Variants in AK8 observed in about 807,000 individuals in gnomAD.
The protein encoded by AK8 is adenylate kinase 8, also known as ATP-AMP transphosphorylase 8.
In AK8, 44 loss-of-function variants were observed where a neutral mutation model predicts 54.6. The observed-to-expected ratio is 0.81, with a 90% CI of 0.63 to 1.04. The LOEUF is 1.04. AK8 is among the 50% of genes least tolerant of loss of function. The pLI is 0.00. For missense variants in AK8, 555 were observed against 613.6 expected (o/e 0.90, Z 1.01); for synonymous variants, 239 against 245.6 (o/e 0.97, Z 0.25).
chr9:132,842,091 G>T (rs1211789048), intron 5 of AK8, among the ~76,000 whole-genome samples: 1 of 152,198 alleles, frequency 6.6e-6, no homozygotes, highest in Non-Finnish European at 1.5e-5. Flanking sequence ...AAAATTCACA[G>T]AAAACAAAGC....
At chr9:132,753,079 A>C (rs1000411179) in intron 11 of AK8, among the ~76,000 whole-genome samples, 1 of 152,198 alleles carries the variant, frequency 6.6e-6, no homozygotes, top group African/African-American at 2.4e-5. Context: ...ACTACTAGGA[A>C]TAGCAGCTGC....
chr9:132,865,798 G>C (rs947505215), intron 3 of AK8, among the ~76,000 whole-genome samples: 8 of 150,254 alleles, frequency 5.3e-5, no homozygotes, highest in Admixed American at 2.0e-4. Context: ...AGCAACAGAG[G>C]GAGACTCTGT....
intron 11 of AK8, among the ~76,000 whole-genome samples, chr9:132,763,820 T>C (rs1838597203): frequency 6.6e-6 from 1 of 152,220 alleles, no homozygotes; most frequent in South Asian, 2.1e-4. Context: ...TTGTCTAAAG[T>C]TTTTCTTTTA....
chr9:132,813,478 A>G (rs1482585155), intron 10 of AK8, among the ~76,000 whole-genome samples: 2 of 152,226 alleles, frequency 1.3e-5, no homozygotes, highest in African/African-American at 2.4e-5. Context: ...ACTGCTCACT[A>G]TAATGGCAGC....
intron 11 of AK8, among the ~76,000 whole-genome samples, chr9:132,729,811 C>CAGG (rs1836750479): frequency 6.6e-6 from 1 of 152,214 alleles, no homozygotes; most frequent in African/African-American, 2.4e-5. Flanking sequence ...CAAACACTCC[C>CAGG]TGTGCACCCA....
chr9:132,824,999 C>T (rs1437803043), intron 8 of AK8, among the ~76,000 whole-genome samples: 2 of 152,200 alleles, frequency 1.3e-5, no homozygotes, highest in African/African-American at 4.8e-5. Context: ...TCCCAAACCA[C>T]CTGCCATGGG....
At position 132,768,373 on chromosome 9, in the gene AK8, T is replaced by C. The variant is rs1374675953; in HGVS notation, c.1121+24261A>G. On this transcript the variant is annotated intron_variant, in intron 11 of 12. Transcript: ENST00000298545. ...ACCTCCGCCTCCTGGGTTCAAGTGA[T>C]GCTCCTGCCTCAGTCTCCCAAGTAG... Among the ~76,000 whole-genome samples the C allele has an allele frequency of 9.2e-5, 14 of 152,266 alleles. No homozygotes were observed. In the East Asian group the frequency reaches 2.7e-3, roughly 29 times the overall value.
At chr9:132,735,771 T>G (rs973470658) in intron 11 of AK8, among the ~76,000 whole-genome samples, 1 of 152,338 alleles carries the variant, frequency 6.6e-6, no homozygotes. Context: ...CCAGTGTTCT[T>G]AGCAGCATGA....
intron 11 of AK8, among the ~76,000 whole-genome samples, chr9:132,729,363 T>C (rs1836723670): frequency 6.6e-6 from 1 of 152,176 alleles, no homozygotes; most frequent in South Asian, 2.1e-4. Flanking sequence ...AAATGTCAAG[T>C]GCATGGCTGA....
intron 4 of AK8, among the ~76,000 whole-genome samples, chr9:132,861,884 T>C (rs717141): frequency 0.36 from 54,493 of 152,074 alleles, 11,845 homozygotes; most frequent in South Asian, 0.57. Flanking sequence ...ATCCAGGCCT[T>C]TCATCTTCCC....
At chr9:132,762,881 G>C (rs1838549454) in intron 11 of AK8, among the ~76,000 whole-genome samples, 1 of 151,912 alleles carries the variant, frequency 6.6e-6, no homozygotes, top group East Asian at 1.9e-4. Context: ...TATCTCAAAA[G>C]AAAAAGAAAA....
At chr9:132,856,781 T>C (rs905221495) in intron 4 of AK8, among the ~76,000 whole-genome samples, 1 of 151,950 alleles carries the variant, frequency 6.6e-6, no homozygotes, top group Non-Finnish European at 1.5e-5. Context: ...ATGACGGGTG[T>C]GGAACGGAAT....
chr9:132,877,907 G>GGC (rs1179391252), intron 1 of AK8: 1 of 790,208 alleles, frequency 1.3e-6, no homozygotes, highest in Non-Finnish European at 2.1e-6. Context: ...GCCCGCTGGC[G>GGC]GCACAGCCAG....
intron 5 of AK8, among the ~76,000 whole-genome samples, chr9:132,848,141 A>G (rs910986535): frequency 4.3e-5 from 4 of 92,444 alleles, no homozygotes; most frequent in African/African-American, 1.5e-4. Flanking sequence ...AAAAAAAAAA[A>G]AAGATTGAAG....
At chr9:132,815,162 A>G (rs1841270063) in intron 9 of AK8, among the ~76,000 whole-genome samples, 1 of 152,172 alleles carries the variant, frequency 6.6e-6, no homozygotes, top group South Asian at 2.1e-4. Flanking sequence ...CCCTTGTTAC[A>G]CAGCAGAGGG....
chr9:132,745,939 G>A (rs900063441), intron 11 of AK8, among the ~76,000 whole-genome samples: 2 of 152,194 alleles, frequency 1.3e-5, no homozygotes, highest in Admixed American at 1.3e-4. Flanking sequence ...CCCTCCCCAA[G>A]GAGTAAAATG....
chr9:132,878,662 G>A, upstream of AK8: 1 of 1,005,036 alleles, frequency 9.9e-7, no homozygotes, highest in Non-Finnish European at 1.2e-6. This position sits in a 1 kb window ranked among gnomAD's most constrained non-coding sequence, Gnocchi z 4.7. Context: ...CTTTAAAACA[G>A]ACGCGGGAAT....
intron 11 of AK8, among the ~76,000 whole-genome samples, chr9:132,780,159 G>C (rs1270279562): frequency 6.6e-6 from 1 of 152,166 alleles, no homozygotes; most frequent in East Asian, 1.9e-4. Flanking sequence ...ACGGCAGTCA[G>C]AGAATAAAAG....
intron 4 of AK8, among the ~76,000 whole-genome samples, chr9:132,857,182 A>G (rs1187686320): frequency 6.6e-6 from 1 of 152,036 alleles, no homozygotes; most frequent in Non-Finnish European, 1.5e-5. Flanking sequence ...TCTCAATTTG[A>G]TTGTGCAACA....
Sources: allele counts gnomAD v4.1 joint callset (sites outside exome capture counted in the v4.1 genomes callset), GRCh38; gene constraint gnomAD v4.1.1; non-coding constraint Gnocchi (gnomAD v3.1); transcripts MANE v1.5; gene names NCBI Gene and HGNC (gene_info 2026-07-23, HGNC 2026-07-21).